Variants in CEP85L observed in about 807,000 individuals in gnomAD.
CEP85L encodes the protein centrosomal protein of 85 kDa-like.
In CEP85L, 60 loss-of-function variants were observed where a neutral mutation model predicts 100.3. That is an observed-to-expected ratio of 0.60 (90% CI 0.49 to 0.74). The LOEUF (loss-of-function observed/expected upper bound fraction) is 0.74. Ranked by LOEUF, CEP85L falls within the 30% of genes least tolerant of loss-of-function variation. CEP85L has a pLI of 0.00. For synonymous variants in CEP85L, 319 were observed against 322.7 expected, an observed-to-expected ratio of 0.99 and a Z score of 0.12; for missense variants, 973 against 936.2, an observed-to-expected ratio of 1.04 and a Z score of -0.51.
intron 1 of CEP85L, among the ~76,000 whole-genome samples, chr6:118,695,609 T>C (rs1347524575): frequency 1.3e-5 from 2 of 152,236 alleles, no homozygotes; most frequent in Non-Finnish European, 2.9e-5. Flanking sequence ...TTTTGAGAAC[T>C]ACTGGTTCAG....
intron 2 of CEP85L, among the ~76,000 whole-genome samples, chr6:118,569,867 T>C (rs1358498246): frequency 2.0e-5 from 3 of 151,754 alleles, no homozygotes; most frequent in East Asian, 3.9e-4. Flanking sequence ...CTAGAGAATA[T>C]ATATTTTTTA....
chr6:118,556,698 T>C (rs1405081192), intron 3 of CEP85L, among the ~76,000 whole-genome samples: 1 of 152,214 alleles, frequency 6.6e-6, no homozygotes, highest in Admixed American at 6.5e-5. Context: ...AGTAATATGT[T>C]GATTAACAAT....
chr6:118,537,433 A>C (rs1777657678), intron 3 of CEP85L: 1 of 850,734 alleles, frequency 1.2e-6, no homozygotes, highest in South Asian at 5.4e-5. Flanking sequence ...TTTTACCTAA[A>C]AATGCATATG....
At chr6:118,560,194 G>C (rs570977086) in intron 3 of CEP85L, 1 of 166,966 alleles carries the variant, frequency 6.0e-6, no homozygotes, top group African/African-American at 2.4e-5. Flanking sequence ...TTGAACATGG[G>C]GGTTAGGGGA....
rs151089711 is a variant in CEP85L at position 118,619,477 on chromosome 6, C to T, written c.232+12976G>A. Among the ~76,000 whole-genome samples, 508 of 152,274 alleles carry T rather than the reference C, an allele frequency of 3.3e-3. 4 individuals carry two copies. Among genetic ancestry groups the T allele is most frequent in the African/African-American group, 0.012 (491 of 41,546 alleles). On this transcript the variant is annotated intron_variant, in intron 2 of 12. Transcript: ENST00000368491. The stretch of plus-strand genomic sequence containing the variant: ...CAAGATTTGCCCAAATGACAAAAAC[C>T]CACAATTGCCTCCATACTCAGGGCC...
chr6:118,510,632 T>C (rs1775913239), intron 5 of CEP85L, among the ~76,000 whole-genome samples: 1 of 152,164 alleles, frequency 6.6e-6, no homozygotes, highest in African/African-American at 2.4e-5. Flanking sequence ...AGAGTTCTTA[T>C]ACACTGCTCT....
chr6:118,677,810 G>A (rs1583251278), intron 1 of CEP85L, among the ~76,000 whole-genome samples: 1 of 152,130 alleles, frequency 6.6e-6, no homozygotes, highest in African/African-American at 2.4e-5. Flanking sequence ...ATCACCAAGT[G>A]TGTCCTGCCA....
chr6:118,571,569 CTT>C (rs1003782866), intron 2 of CEP85L, among the ~76,000 whole-genome samples: 1 of 152,020 alleles, frequency 6.6e-6, no homozygotes, highest in Non-Finnish European at 1.5e-5. Context: ...TCTATCTTCT[CTT>C]ATATACAGGG....
At chr6:118,603,844 A>G (rs1017108932) in intron 2 of CEP85L, among the ~76,000 whole-genome samples, 2 of 152,226 alleles carry the variant, frequency 1.3e-5, no homozygotes, top group Non-Finnish European at 2.9e-5. Context: ...ATCGCCTTCT[A>G]AAGAGGACTA....
chr6:118,558,748 A>C (rs537693168), intron 3 of CEP85L: 14 of 647,920 alleles, frequency 2.2e-5, no homozygotes, highest in Admixed American at 1.5e-4. Context: ...AAGATGAATT[A>C]GTGTAAAATT....
chr6:118,539,345 C>A (rs888712420), intron 3 of CEP85L, among the ~76,000 whole-genome samples: 1 of 152,150 alleles, frequency 6.6e-6, no homozygotes, highest in Admixed American at 6.5e-5. Context: ...ACATTCTGTA[C>A]AGGTTTGTAG....
rs1772971927 is a variant in CEP85L, at chr6:118,471,768, A to G, written c.1915-1124T>C. ...AGTTGTTTTATATTCCACAAAAATG[A>G]AAAAAAAAAAAGCACCAAGTCAACA... is the stretch of plus-strand genomic sequence containing the variant. On this transcript the variant is annotated intron_variant, in intron 10 of 12. Coordinates refer to ENST00000368491, the MANE Select transcript of CEP85L (RefSeq NM_001042475.3). 4.0e-5 allele frequency among the ~76,000 whole-genome samples: 4 copies of G among 99,864 alleles called. No homozygotes were observed. In the South Asian group the frequency reaches 1.2e-3, roughly 30 times the overall value. 65.5% of individuals were successfully genotyped at this position (99,864 alleles called of 152,430 possible). A position where few individuals can be genotyped will look rare whatever the true frequency, so the allele number is the denominator to read the frequency against.
chr6:118,628,250 T>C (rs569211262), intron 2 of CEP85L, among the ~76,000 whole-genome samples: 4 of 152,152 alleles, frequency 2.6e-5, no homozygotes, highest in Non-Finnish European at 5.9e-5. Flanking sequence ...TTGGAATTAC[T>C]AGACCAGGAA....
At chr6:118,629,959 T>C (rs1210686807) in intron 2 of CEP85L, among the ~76,000 whole-genome samples, 1 of 152,216 alleles carries the variant, frequency 6.6e-6, no homozygotes, top group African/African-American at 2.4e-5. Context: ...CTCCTGTTTT[T>C]ATAGTTTCAA....
chr6:118,603,598 C>A (rs370532731), intron 2 of CEP85L, among the ~76,000 whole-genome samples: 2 of 152,266 alleles, frequency 1.3e-5, no homozygotes, highest in Admixed American at 6.5e-5. Context: ...CTGTAAAAAG[C>A]TCAAAAGAAG....
In CEP85L at chr6:118,530,279, C is replaced by T. The variant is rs534763266; in HGVS notation, c.1021-6359G>A. 1.6e-4 allele frequency among the ~76,000 whole-genome samples: 24 copies of T among 149,556 alleles called. No individual in the cohort carries two copies. The East Asian group carries it at 2.5e-3, about 16-fold the overall frequency. On this transcript the variant is annotated intron_variant, in intron 3 of 12. Transcript: ENST00000368491. ...TTTTTCACAGCCTGCAAACTAAAAC[C>T]GGAATTAATATTTTCAAATGGTTGA...
intron 2 of CEP85L, among the ~76,000 whole-genome samples, chr6:118,610,322 G>T (rs1205019164): frequency 6.6e-6 from 1 of 152,098 alleles, no homozygotes; most frequent in Non-Finnish European, 1.5e-5. Flanking sequence ...TTCTAAACTT[G>T]CCAGGCTGTA....
chr6:118,550,439 TACCAATCCCAGAAATGAGGAGG>T (rs1778475588), intron 3 of CEP85L, among the ~76,000 whole-genome samples: 1 of 151,844 alleles, frequency 6.6e-6, no homozygotes, highest in Non-Finnish European at 1.5e-5. Context: ...GACAATATAT[TACCAATCCCAGAAATGAGGAGG>T]GCCAATGAAC....
intron 2 of CEP85L, among the ~76,000 whole-genome samples, chr6:118,567,245 G>GTA (rs1779593418): frequency 1.6e-4 from 5 of 31,640 alleles, no homozygotes; most frequent in Non-Finnish European, 1.8e-4. Flanking sequence ...GTGTGTGTGT[G>GTA]TGTGTATATA....
Sources: allele counts gnomAD v4.1 joint callset (sites outside exome capture counted in the v4.1 genomes callset), GRCh38; gene constraint gnomAD v4.1.1; transcripts MANE v1.5; gene names NCBI Gene and HGNC (gene_info 2026-07-23, HGNC 2026-07-21).